Variants in CUX2 observed in about 807,000 individuals in gnomAD.
CUX2 encodes the protein cut like homeobox 2.
A neutral mutation model predicts 144.8 loss-of-function variants in CUX2; 40 were observed. The observed-to-expected ratio is 0.28, with a 90% CI of 0.21 to 0.36. The LOEUF is 0.36. Among genes scored for constraint, CUX2 ranks in the 10% least tolerant of loss-of-function variants. The pLI is 1.00. For synonymous variants in CUX2, 827 were observed against 875.6 expected (o/e 0.94, Z 0.98); for missense variants, 1,615 against 1,994.0 (o/e 0.81, Z 3.62).
chr12:111,156,119 G>A (rs768713672), intron 1 of CUX2, among the ~76,000 whole-genome samples: 4 of 152,086 alleles, frequency 2.6e-5, no homozygotes, highest in Admixed American at 1.3e-4. Context: ...TTTAATAGTC[G>A]TTCCAAATGA....
intron 18 of CUX2, among the ~76,000 whole-genome samples, chr12:111,330,287 C>T (rs977016677): frequency 6.6e-6 from 1 of 152,104 alleles, no homozygotes; most frequent in African/African-American, 2.4e-5. Flanking sequence ...CTGCCCAGAG[C>T]CCCTGCCCCA....
chr12:111,319,023 C>G (rs1887359598), intron 16 of CUX2, among the ~76,000 whole-genome samples: 1 of 152,028 alleles, frequency 6.6e-6, no homozygotes, highest in Non-Finnish European at 1.5e-5. Context: ...GCTATTAGAA[C>G]AAGTGAAGGG....
chr12:111,117,206 C>T (rs533964910), intron 1 of CUX2, among the ~76,000 whole-genome samples: 1 of 152,304 alleles, frequency 6.6e-6, no homozygotes, highest in South Asian at 2.1e-4. Flanking sequence ...CATTATGCTG[C>T]AGTAACAAAA....
chr12:111,304,305 G>T lies in CUX2; in HGVS notation c.849G>T (p.Gly283=), dbSNP rs373120851. Reference sequence around the variant, plus strand: ...GCCTGGCTTGCTGCTCTCCCCAGGGGCCCAGTGGGGTAAGGATGGGGTTGG... The same window carrying T: ...GCCTGGCTTGCTGCTCTCCCCAGGGTCCCAGTGGGGTAAGGATGGGGTTGG... ...SIRLACCSPQ[G]PSGDKVNFTL... is the part of the protein sequence containing the mutation. The change falls in exon 10 of 22, where the codon GGG becomes GGT. Residue 283 remains glycine, a synonymous_variant. Transcript: ENST00000261726. This position sits in a 1 kb window ranked among gnomAD's most constrained non-coding sequence, Gnocchi z 4.7. 3.7e-5 allele frequency: 59 copies of T among 1,613,388 alleles called. No individual in the cohort carries two copies. The African/African-American group carries it at 4.7e-4, about 13-fold the overall frequency.
In CUX2 at chr12:111,289,136, AG is replaced by A; in HGVS notation, c.302-2280del. On this transcript the variant is annotated intron_variant, in intron 4 of 21. Coordinates refer to ENST00000261726, the MANE Select transcript of CUX2 (RefSeq NM_015267.4). The surrounding 1 kb of genome is among the most constrained non-coding windows in gnomAD (Gnocchi z 4.1). ...AGATTCTGTCTCAAAAAAAGAAAAA[AG>A]GAAAAAAGAAAATTCTGGGGGAGAG... 6.6e-6 allele frequency among the ~76,000 whole-genome samples: 1 copy of A among 152,194 alleles called. No homozygotes were observed. Among genetic ancestry groups the A allele is most frequent in the South Asian group, 2.1e-4 (1 of 4,820 alleles).
chr12:111,316,518 C>G (rs1335784103), intron 16 of CUX2, among the ~76,000 whole-genome samples: 2 of 139,040 alleles, frequency 1.4e-5, no homozygotes, highest in Non-Finnish European at 3.0e-5. Context: ...GGTGTGATCT[C>G]GGCTCACTGC....
intron 21 of CUX2, among the ~76,000 whole-genome samples, chr12:111,345,902 G>A (rs929931458): frequency 6.9e-6 from 1 of 145,326 alleles, no homozygotes; most frequent in Non-Finnish European, 1.5e-5. Context: ...TTGAGGTCAG[G>A]AGTTCAAAAC....
intron 3 of CUX2, among the ~76,000 whole-genome samples, chr12:111,261,617 A>G (rs1884131969): frequency 4.6e-5 from 7 of 152,120 alleles, no homozygotes. Context: ...ATCTACCCAC[A>G]GGGCCAGGCG....
chr12:111,134,138 G>C (rs1947879064), intron 1 of CUX2, among the ~76,000 whole-genome samples: 2 of 152,176 alleles, frequency 1.3e-5, no homozygotes, highest in Non-Finnish European at 2.9e-5. Flanking sequence ...CCATTTATGT[G>C]GCACTTGAGC....
At chr12:111,271,092 G>C (rs1322326761) in intron 4 of CUX2, among the ~76,000 whole-genome samples, 3 of 152,210 alleles carry the variant, frequency 2.0e-5, no homozygotes, top group Non-Finnish European at 1.5e-5. Context: ...TTATAGGAGT[G>C]ACAAGCGTCT....
intron 1 of CUX2, among the ~76,000 whole-genome samples, chr12:111,121,812 A>G (rs557060689): frequency 2.0e-5 from 3 of 152,186 alleles, no homozygotes; most frequent in East Asian, 3.9e-4. Flanking sequence ...ATAGGTATGA[A>G]TCTGACAGTT....
chr12:111,324,755 C>A (rs533514439), intron 18 of CUX2, among the ~76,000 whole-genome samples: 1 of 152,076 alleles, frequency 6.6e-6, no homozygotes. Context: ...CCACCTTGGC[C>A]TCCCAAGGTG....
At chr12:111,121,056 G>A (rs1193964821) in intron 1 of CUX2, among the ~76,000 whole-genome samples, 1 of 145,696 alleles carries the variant, frequency 6.9e-6, no homozygotes, top group Admixed American at 6.9e-5. Context: ...ATCGACGCTG[G>A]TAGTTTATTT....
chr12:111,348,133 C>T lies in CUX2; in HGVS notation c.4269C>T (p.Ser1423=). The T allele has an allele frequency of 6.2e-7, 1 of 1,614,018 alleles. No homozygotes were observed. Among genetic ancestry groups the T allele is most frequent in the Non-Finnish European group, 8.5e-7 (1 of 1,179,994 alleles). ...CCTCCTCAGCTCCCATCTCCCCATC[C>T]CCACCTGGCGCCCCCCCTGCCAAAG... ...VPSSSAPISP[S]PPGAPPAKVP... Residue 1423 remains serine, a synonymous_variant, in exon 22 of 22, where the codon TCC becomes TCT. Coordinates refer to ENST00000261726, the MANE Select transcript of CUX2 (RefSeq NM_015267.4).
intron 1 of CUX2, among the ~76,000 whole-genome samples, chr12:111,047,547 T>C (rs1870057501): frequency 6.6e-6 from 1 of 152,126 alleles, no homozygotes; most frequent in African/African-American, 2.4e-5. Context: ...TTTCATTGAA[T>C]CCTCCCAGCA....
chr12:111,061,568 C>T lies in CUX2; in HGVS notation c.63+27328C>T, dbSNP rs57916626. 0.017 allele frequency among the ~76,000 whole-genome samples: 2,651 copies of T among 152,318 alleles called. 90 individuals are homozygous for T. The highest frequency in any genetic ancestry group is 0.061 in the African/African-American group (2,533 of 41,560). On this transcript the variant is annotated intron_variant, in intron 1 of 21. Coordinates refer to ENST00000261726, the MANE Select transcript of CUX2 (RefSeq NM_015267.4). This position sits in a 1 kb window ranked among gnomAD's most constrained non-coding sequence, Gnocchi z 4.2. ...TTGGCATGGTGTGTGTTTCTGTCTA[C>T]ACCCTCGTCCTGCTTTGCCCGCCTA...
chr12:111,288,031 G>A (rs1317206025), intron 4 of CUX2, among the ~76,000 whole-genome samples: 2 of 152,212 alleles, frequency 1.3e-5, no homozygotes, highest in Non-Finnish European at 2.9e-5. Context: ...AAATAAACAT[G>A]CATTAGAACT....
chr12:111,143,551 G>GTT (rs1434792872), intron 1 of CUX2, among the ~76,000 whole-genome samples: 1 of 152,194 alleles, frequency 6.6e-6, no homozygotes, highest in East Asian at 1.9e-4. Context: ...TACTGTAATT[G>GTT]TTCTGGCAAA....
chr12:111,184,539 T>A (rs1025095631), intron 1 of CUX2, among the ~76,000 whole-genome samples: 4 of 130,690 alleles, frequency 3.1e-5, no homozygotes, highest in African/African-American at 1.2e-4. Flanking sequence ...TGGCACACTG[T>A]CAGCCTAGGC....
Sources: gnomAD v4.1 joint callset for allele counts (sites outside exome capture counted in the v4.1 genomes callset) on GRCh38, gnomAD v4.1.1 for gene constraint, Gnocchi (gnomAD v3.1) non-coding constraint, MANE v1.5 for transcripts, NCBI Gene and HGNC (gene_info 2026-07-23, HGNC 2026-07-21) for gene names.